Variants in ESRRB observed in about 807,000 individuals in gnomAD.
ESRRB encodes steroid hormone receptor ERR2.
A neutral mutation model predicts 46.0 loss-of-function variants in ESRRB; 16 were observed. The ratio of observed to expected loss-of-function variants is 0.35; its 90% confidence interval spans 0.24 to 0.53. ESRRB has a LOEUF of 0.53. ESRRB is among the 20% of genes least tolerant of loss of function. The pLI is 0.93. For synonymous variants in ESRRB, 246 were observed against 259.6 expected (o/e 0.95, Z 0.50); for missense variants, 488 against 607.4 (o/e 0.80, Z 2.07).
chr14:76,419,690 T>A (rs1886858041), intron 1 of ESRRB, among the ~76,000 whole-genome samples: 1 of 152,196 alleles, frequency 6.6e-6, no homozygotes, highest in Non-Finnish European at 1.5e-5. Flanking sequence ...GGTCGTATTC[T>A]ATATTGATCC....
chr14:76,430,158 T>C (rs575088047), intron 1 of ESRRB, among the ~76,000 whole-genome samples: 1 of 152,288 alleles, frequency 6.6e-6, no homozygotes, highest in South Asian at 2.1e-4. Flanking sequence ...CATTCTGCAA[T>C]CTTTAATACT....
intron 1 of ESRRB, among the ~76,000 whole-genome samples, chr14:76,335,588 C>T (rs1884117593): frequency 6.6e-6 from 1 of 152,212 alleles, no homozygotes; most frequent in Admixed American, 6.5e-5. Context: ...AGGAAACAAA[C>T]CAGCAGGTGC....
intron 1 of ESRRB, among the ~76,000 whole-genome samples, chr14:76,392,091 A>G (rs755673679): frequency 2.0e-5 from 3 of 152,222 alleles, no homozygotes; most frequent in Admixed American, 2.0e-4. Flanking sequence ...TAACTGCAGT[A>G]CTTAGCGGGT....
Position 76,498,666 on chromosome 14 carries a change from G to T in ESRRB, c.*208G>T, listed in dbSNP as rs989814152. On this transcript the variant is annotated 3_prime_UTR_variant, in exon 7 of 7. Transcript: ENST00000644823. ...GGGGATGGGGGGGCAGGGGTGTGGG[G>T]CTCGACTGTAACTGGCTTTTTCTTT... 6.9e-7 allele frequency: 1 copy of T among 1,441,224 alleles called. No homozygotes were observed. The allele number at this position is 1,441,224 out of a possible 1,614,324, so 89.3% of individuals were successfully genotyped here.
chr14:76,315,569 T>C (rs575836591), intron 1 of ESRRB, among the ~76,000 whole-genome samples: 60 of 152,318 alleles, frequency 3.9e-4, no homozygotes, highest in African/African-American at 1.3e-3. Context: ...CATAGGGTTG[T>C]TGGGAAGATG....
intron 1 of ESRRB, among the ~76,000 whole-genome samples, chr14:76,426,205 C>T (rs1887194641): frequency 6.6e-6 from 1 of 152,094 alleles, no homozygotes; most frequent in African/African-American, 2.4e-5. Flanking sequence ...GGTCTTGGAG[C>T]CCCCTGGCCT....
In ESRRB at chr14:76,482,573, A is replaced by G; in HGVS notation, c.689-25A>G. ...CCCCTTTCCTCTTTTCCCAGCATTT[A>G]CCTTTCCCTCTTTGGTTGTTGCAGT... On this transcript the variant is annotated intron_variant, in intron 4 of 6. Coordinates refer to ENST00000644823, the MANE Select transcript of ESRRB (RefSeq NM_001379180.1). The surrounding 1 kb of genome is among the most constrained non-coding windows in gnomAD (Gnocchi z 4.3). 1.2e-6 allele frequency: 2 copies of G among 1,613,490 alleles called. No homozygotes were observed. Among genetic ancestry groups the G allele is most frequent in the Non-Finnish European group, 1.7e-6 (2 of 1,179,788 alleles).
At position 76,501,411 on chromosome 14, in the gene ESRRB, C is replaced by T. The variant is rs753110550; in HGVS notation, c.*2953C>T. 1 of 152,216 alleles carries T rather than the reference C, an allele frequency of 6.6e-6. No individual in the cohort carries two copies. Among genetic ancestry groups the T allele is most frequent in the African/African-American group, 2.4e-5 (1 of 41,426 alleles). The allele number at this position is 152,216 out of a possible 1,614,324, so 9.4% of individuals were successfully genotyped here. On this transcript the variant is annotated 3_prime_UTR_variant, in exon 7 of 7. Coordinates refer to ENST00000644823, the MANE Select transcript of ESRRB (RefSeq NM_001379180.1). The stretch of plus-strand genomic sequence containing the variant: ...ACCAAGTAAGAGGCTCTCAAGACTC[C>T]AGCAGAGTCGGGAGGCCATGGCAGC...
intron 1 of ESRRB, among the ~76,000 whole-genome samples, chr14:76,356,398 T>C (rs1373757348): frequency 6.6e-6 from 1 of 152,214 alleles, no homozygotes; most frequent in Non-Finnish European, 1.5e-5. Flanking sequence ...TCTCTCCCAT[T>C]TTACAGATAA....
intron 1 of ESRRB, among the ~76,000 whole-genome samples, chr14:76,360,410 A>AGG (rs1884448838): frequency 6.6e-6 from 1 of 151,222 alleles, no homozygotes; most frequent in Admixed American, 6.6e-5. Context: ...GGAGAGGGAG[A>AGG]GAGAGAGACA....
At chr14:76,353,539 A>G (rs1384291887) in intron 1 of ESRRB, among the ~76,000 whole-genome samples, 2 of 152,184 alleles carry the variant, frequency 1.3e-5, no homozygotes, top group African/African-American at 4.8e-5. Flanking sequence ...TGTGCCAGGC[A>G]CTGTTCTAAG....
rs10563090 is a variant in ESRRB, at chr14:76,354,232, CCCCA to C, written c.2+43322_2+43325del. 7.7e-3 allele frequency among the ~76,000 whole-genome samples: 799 copies of C among 103,944 alleles called. 48 individuals are homozygous for C. The highest frequency in any genetic ancestry group is 0.031 in the African/African-American group (746 of 24,248). The allele number at this position is 103,944 out of a possible 152,430, so 68.2% of individuals were successfully genotyped here. A position where few individuals can be genotyped will look rare whatever the true frequency, so the allele number is the denominator to read the frequency against. On this transcript the variant is annotated intron_variant, in intron 1 of 6. Coordinates refer to the ESRRB transcript ENST00000512784. ...CCCAGGGTCCTCTACCCGCCCCCCC[CCCCA>C]CCCACACTTCCACCCTCACCTCTCC... is the stretch of plus-strand genomic sequence containing the variant.
chr14:76,311,746 C>T (rs1385179884), intron 1 of ESRRB, among the ~76,000 whole-genome samples: 4 of 152,196 alleles, frequency 2.6e-5, no homozygotes, highest in Non-Finnish European at 4.4e-5. Context: ...CAAAGCTGTG[C>T]TTGTTTCAGA....
intron 1 of ESRRB, among the ~76,000 whole-genome samples, chr14:76,431,893 C>G (rs911606069): frequency 1.3e-5 from 2 of 152,168 alleles, no homozygotes; most frequent in African/African-American, 4.8e-5. Context: ...CCTGCAGCAG[C>G]TACTCCTCCT....
At chr14:76,383,018 G>A (rs1595065351) in intron 1 of ESRRB, among the ~76,000 whole-genome samples, 1 of 152,152 alleles carries the variant, frequency 6.6e-6, no homozygotes, top group Non-Finnish European at 1.5e-5. Context: ...ACTCCAACAA[G>A]CCTTTGTTTT....
At chr14:76,452,626 A>AAAAC (rs1888433862) in intron 2 of ESRRB, among the ~76,000 whole-genome samples, 1 of 124,278 alleles carries the variant, frequency 8.0e-6, no homozygotes. Flanking sequence ...TCTCCAAAAA[A>AAAAC]AAAAACAAAA....
upstream of ESRRB, among the ~76,000 whole-genome samples, chr14:76,373,187 G>A (rs1425897816): frequency 6.6e-6 from 1 of 152,200 alleles, no homozygotes; most frequent in Non-Finnish European, 1.5e-5. Flanking sequence ...GGGGGTACTA[G>A]TACTGGGGTG....
At chr14:76,410,782 T>G (rs997425351) in intron 1 of ESRRB, among the ~76,000 whole-genome samples, 2 of 152,132 alleles carry the variant, frequency 1.3e-5, no homozygotes, top group South Asian at 2.1e-4. Context: ...TTCTTATTTT[T>G]TTTTATTTTT....
chr14:76,453,877 G>T (rs1269839528), intron 2 of ESRRB, among the ~76,000 whole-genome samples: 1 of 152,168 alleles, frequency 6.6e-6, no homozygotes, highest in African/African-American at 2.4e-5. Flanking sequence ...CTCCCAAAGT[G>T]CCTGGATTAC....
Sources: allele counts gnomAD v4.1 joint callset (sites outside exome capture counted in the v4.1 genomes callset), GRCh38; gene constraint gnomAD v4.1.1; non-coding constraint Gnocchi (gnomAD v3.1); transcripts MANE v1.5; gene names NCBI Gene and HGNC (gene_info 2026-07-23, HGNC 2026-07-21).